Variants in LRRC9 observed in about 807,000 individuals in gnomAD.
LRRC9 encodes leucine-rich repeat-containing protein 9.
LRRC9 carries 122 observed loss-of-function variants against 63.2 expected under a neutral mutation model. That is an observed-to-expected ratio of 1.93 (90% CI 1.67 to 2.24). LRRC9 has a LOEUF of 2.24. LRRC9 is among the 30% of genes most tolerant of loss of function. The pLI is 0.00. For synonymous variants in LRRC9, 366 were observed against 213.1 expected (o/e 1.72, Z -6.25); for missense variants, 1,071 against 627.7 (o/e 1.71, Z -7.55).
intron 6 of LRRC9, among the ~76,000 whole-genome samples, chr14:59,935,844 A>G (rs1436089793): frequency 6.6e-6 from 1 of 152,254 alleles, no homozygotes; most frequent in Non-Finnish European, 1.5e-5. Flanking sequence ...GTGTGACTTG[A>G]TCACAGCAAG....
chr14:60,055,940 T>C (rs1332966654), intron 30 of LRRC9, among the ~76,000 whole-genome samples: 3 of 151,644 alleles, frequency 2.0e-5, no homozygotes, highest in Admixed American at 2.0e-4. Flanking sequence ...AGGGCTGCAT[T>C]TTTTCTGGAA....
At chr14:60,028,153 G>C in intron 28 of LRRC9, 52 bp downstream of exon 28, 1 of 652,892 alleles carries the variant, frequency 1.5e-6, no homozygotes, top group Non-Finnish European at 2.7e-6. Flanking sequence ...GTTTCTCTGA[G>C]TTCTGAGCAT....
At chr14:60,059,117 G>T (rs1254998338) in intron 31 of LRRC9, 1 of 151,852 alleles carries the variant, frequency 6.6e-6, no homozygotes, top group African/African-American at 2.4e-5. Context: ...TCCTTCTCAG[G>T]TAAAAGCATA....
chr14:59,993,360 A>C (rs1419766287), intron 17 of LRRC9, among the ~76,000 whole-genome samples: 1 of 152,198 alleles, frequency 6.6e-6, no homozygotes, highest in Non-Finnish European at 1.5e-5. Flanking sequence ...CAAAAACATA[A>C]CAAAATTGTA....
chr14:60,029,951 GA>G (rs11325560), intron 28 of LRRC9, among the ~76,000 whole-genome samples: 114,236 of 151,540 alleles, frequency 0.75, 44,991 homozygotes, highest in Non-Finnish European at 0.87. Flanking sequence ...ATTTAGCTGA[GA>G]AAAAAAAATG....
rs1342733324 is a variant in LRRC9, at chr14:59,930,626, T to G, written c.268-292T>G. Among the ~76,000 whole-genome samples, 1 of 151,284 alleles carries G rather than the reference T, an allele frequency of 6.6e-6. No individual in the cohort carries two copies. The highest frequency in any genetic ancestry group is 6.6e-5 in the Admixed American group (1 of 15,172). ...CATAATCATTTCTATATGATTATAA[T>G]CATAACCATATAGAAATATGATATG... On this transcript the variant is annotated intron_variant, in intron 3 of 31. Transcript: ENST00000445360. The surrounding 1 kb of genome is among the most constrained non-coding windows in gnomAD (Gnocchi z 4.9).
At chr14:60,002,528 T>C (rs1410830854) in intron 20 of LRRC9, among the ~76,000 whole-genome samples, 1 of 152,228 alleles carries the variant, frequency 6.6e-6, no homozygotes, top group Non-Finnish European at 1.5e-5. Flanking sequence ...TTACAATGTA[T>C]GCTTATATCA....
At chr14:60,012,440 T>C (rs1890328909) in intron 23 of LRRC9, among the ~76,000 whole-genome samples, 1 of 152,226 alleles carries the variant, frequency 6.6e-6, no homozygotes. Flanking sequence ...TGTTCCTATG[T>C]ACTTTTATTT....
At chr14:60,006,424 G>T (rs1288658851) in exon 22 of LRRC9, 5 of 690,216 alleles carry the variant, frequency 7.2e-6, no homozygotes, top group African/African-American at 7.1e-5. Flanking sequence ...AAATTAACTC[G>T]CCTCAGCATA....
At chr14:59,969,180 C>A (rs1885198309) in intron 12 of LRRC9, 3 of 152,020 alleles carry the variant, frequency 2.0e-5, no homozygotes, top group Non-Finnish European at 4.4e-5. Flanking sequence ...TGAATTTTTA[C>A]AATTGTCTGA....
rs887824098 is a variant in LRRC9 at position 60,003,986 on chromosome 14, C to A, written c.2842+188C>A. 3.9e-5 allele frequency among the ~76,000 whole-genome samples: 6 copies of A among 151,962 alleles called. No individual in the cohort carries two copies. The highest frequency in any genetic ancestry group is 8.8e-5 in the Non-Finnish European group (6 of 67,974). ...TAGTTAGCTAGATTGGACCATTCTA[C>A]AATGTATATATATACTTCAAAACAT... is the stretch of plus-strand genomic sequence containing the variant. On this transcript the variant is annotated intron_variant, in intron 21 of 31. Transcript: ENST00000445360. The surrounding 1 kb of genome is among the most constrained non-coding windows in gnomAD (Gnocchi z 4.2).
At position 60,002,115 on chromosome 14, in the gene LRRC9, T is replaced by C. The variant is rs564913581; in HGVS notation, c.2664+15T>C. 218 of 689,160 alleles carry C rather than the reference T, an allele frequency of 3.2e-4. 2 individuals are homozygous for C. In the Middle Eastern group the frequency reaches 5.4e-3, roughly 17 times the overall value. The allele number at this position is 689,160 out of a possible 1,614,324, so 42.7% of individuals were successfully genotyped here. A position where few individuals can be genotyped will look rare whatever the true frequency, so the allele number is the denominator to read the frequency against. On this transcript the variant is annotated intron_variant, in intron 20 of 31. Transcript: ENST00000445360. ...GCTACTTGAAGGTAAAGGCTAATTC[T>C]ATTAAACCTAATATAAAGCTTAATT... is the stretch of plus-strand genomic sequence containing the variant.
chr14:60,065,371 G>C (rs759101371), downstream of LRRC9, among the ~76,000 whole-genome samples: 1 of 151,668 alleles, frequency 6.6e-6, no homozygotes, highest in Non-Finnish European at 1.5e-5. Flanking sequence ...CACCACGCCA[G>C]GTGCAGTGGT....
At position 59,966,276 on chromosome 14, in the gene LRRC9, A is replaced by G. The variant is rs1884849049; in HGVS notation, c.1212-313A>G. ...AAGGCTGATCCCTGGGCAGTTCAAC[A>G]TCTAAAAGTCTGTCTGAGAAGACCC... On this transcript the variant is annotated intron_variant, in intron 10 of 31. Coordinates refer to ENST00000445360, the Ensembl canonical transcript of LRRC9. The surrounding 1 kb of genome is among the most constrained non-coding windows in gnomAD (Gnocchi z 4.0). 6.6e-6 allele frequency among the ~76,000 whole-genome samples: 1 copy of G among 152,208 alleles called. No individual in the cohort carries two copies. Among genetic ancestry groups the G allele is most frequent in the African/African-American group, 2.4e-5 (1 of 41,466 alleles).
chr14:59,921,583 T>C (rs1888780831), intron 1 of LRRC9, among the ~76,000 whole-genome samples: 1 of 152,084 alleles, frequency 6.6e-6, no homozygotes. Flanking sequence ...AGAATGGTGG[T>C]GTTACTTTTC....
intron 6 of LRRC9, among the ~76,000 whole-genome samples, chr14:59,934,920 T>G (rs980704014): frequency 6.6e-6 from 1 of 152,060 alleles, no homozygotes; most frequent in Admixed American, 6.6e-5. Flanking sequence ...TTCATAGAAT[T>G]GAACTCCACA....
At chr14:59,998,852 G>A (rs1332658491) in intron 18 of LRRC9, among the ~76,000 whole-genome samples, 2 of 151,882 alleles carry the variant, frequency 1.3e-5, no homozygotes, top group South Asian at 2.1e-4. Context: ...ACTTTTCACC[G>A]CAGTCACTTT....
At chr14:59,941,538 TAGTA>T (rs979823613) in intron 7 of LRRC9, among the ~76,000 whole-genome samples, 10 of 152,088 alleles carry the variant, frequency 6.6e-5, no homozygotes, top group East Asian at 1.9e-4. Flanking sequence ...TAAGTAAGTT[TAGTA>T]AGTATTATGT....
chr14:59,930,941 T>C lies in LRRC9; in HGVS notation c.291T>C (p.Cys97=), dbSNP rs1461816959. Reference sequence around the variant, plus strand: ...AGAAAATTGAAGGTCTTCAAGAATGTAGAAATTTGGAAAAACTATATTTAT... The same window carrying C: ...AGAAAATTGAAGGTCTTCAAGAATGCAGAAATTTGGAAAAACTATATTTAT... The change falls in exon 4 of 32, where the codon TGT becomes TGC. Residue 97 remains cysteine, a synonymous_variant. Transcript: ENST00000445360. The surrounding 1 kb of genome is among the most constrained non-coding windows in gnomAD (Gnocchi z 4.9). The C allele has an allele frequency of 1.4e-5, 6 of 443,558 alleles. No homozygotes were observed. The highest frequency in any genetic ancestry group is 2.4e-5 in the Non-Finnish European group (6 of 246,652). 27.5% of individuals were successfully genotyped at this position (443,558 alleles called of 1,614,324 possible).
Sources: allele counts gnomAD v4.1 joint callset (sites outside exome capture counted in the v4.1 genomes callset), GRCh38; gene constraint gnomAD v4.1.1; non-coding constraint Gnocchi (gnomAD v3.1); transcripts MANE v1.5; gene names NCBI Gene and HGNC (gene_info 2026-07-23, HGNC 2026-07-21).